Variants in DOCK10 observed in about 807,000 individuals in gnomAD.
DOCK10 encodes the protein dedicator of cytokinesis protein 10.
A neutral mutation model predicts 280.1 loss-of-function variants in DOCK10; 145 were observed. The ratio of observed to expected loss-of-function variants is 0.52; its 90% CI spans 0.45 to 0.59. The LOEUF is 0.59. Ranked by LOEUF, DOCK10 falls within the 20% of genes least tolerant of loss-of-function variation. The pLI is 0.00. For synonymous variants in DOCK10, 915 were observed against 942.2 expected (o/e 0.97, Z 0.53); for missense variants, 2,368 against 2,651.7 (o/e 0.89, Z 2.35).
At chr2:225,019,597 A>G (rs1373581421) in intron 1 of DOCK10, among the ~76,000 whole-genome samples, 1 of 151,982 alleles carries the variant, frequency 6.6e-6, no homozygotes, top group Non-Finnish European at 1.5e-5. Flanking sequence ...CCGCTGCTCA[A>G]TGCCTACTAT....
chr2:224,838,997 G>GC (rs1450112684), intron 24 of DOCK10, among the ~76,000 whole-genome samples: 1 of 152,002 alleles, frequency 6.6e-6, no homozygotes, highest in East Asian at 1.9e-4. Flanking sequence ...CAACCACCCT[G>GC]CCCCCCAGCA....
rs557526635 is a variant in DOCK10, at chr2:224,849,074, C to G, written c.2235+433G>C. 2.4e-4 allele frequency among the ~76,000 whole-genome samples: 37 copies of G among 152,252 alleles called. No homozygotes were observed. The South Asian group carries it at 7.7e-3, about 32-fold the overall frequency. ...TACCACAATCTCCGACTCCCTGGTTCAAGCGAGTCTCCTGCCTCAGCCTCC... is the reference window on the plus strand; with the variant it reads ...TACCACAATCTCCGACTCCCTGGTTGAAGCGAGTCTCCTGCCTCAGCCTCC... On this transcript the variant is annotated intron_variant, in intron 19 of 55. Transcript: ENST00000258390.
chr2:224,810,949 G>A (rs1349833172), intron 31 of DOCK10, among the ~76,000 whole-genome samples: 5 of 152,148 alleles, frequency 3.3e-5, no homozygotes, highest in Admixed American at 6.5e-5. Flanking sequence ...AAACATACGT[G>A]TGCATGTGTC....
At chr2:225,001,863 G>T (rs116688424) in intron 1 of DOCK10, among the ~76,000 whole-genome samples, 2,450 of 152,220 alleles carry the variant, frequency 0.016, 66 homozygotes, top group African/African-American at 0.056. Context: ...AGCCTGTTTC[G>T]TAAGGGCACT....
chr2:224,792,923 AGCAAGTG>A (rs1692299068), intron 47 of DOCK10, 44 bp downstream of exon 47: 1 of 1,335,662 alleles, frequency 7.5e-7, no homozygotes, highest in South Asian at 1.3e-5. Flanking sequence ...GAATTTGAGC[AGCAAGTG>A]GATTTCCTCT....
intron 2 of DOCK10, among the ~76,000 whole-genome samples, chr2:224,921,110 AAAATAT>A (rs1394463352): frequency 2.9e-5 from 2 of 69,644 alleles, no homozygotes; most frequent in African/African-American, 2.1e-4. Context: ...AAAAAAAAAA[AAAATAT>A]ATATATATAT....
chr2:224,946,377 T>C (rs1309334861), intron 1 of DOCK10, among the ~76,000 whole-genome samples: 2 of 152,184 alleles, frequency 1.3e-5, no homozygotes, highest in Non-Finnish European at 2.9e-5. Context: ...ATTTACTTTT[T>C]CTTTCATATT....
Position 225,035,564 on chromosome 2 carries a change from A to AT in DOCK10, c.123+6687dup, listed in dbSNP as rs1192105461. Among the ~76,000 whole-genome samples the AT allele has an allele frequency of 3.2e-3, 176 of 55,648 alleles. 4 individuals carry two copies. The Middle Eastern group carries it at 0.055, about 17-fold the overall frequency. 36.5% of individuals were successfully genotyped at this position (55,648 alleles called of 152,430 possible). ...ATATTATATATATATATATATATAT[A>AT]TATATATATATATATATATATATAA... On this transcript the variant is annotated intron_variant, in intron 1 of 55. Transcript: ENST00000258390.
At chr2:224,961,458 C>CTTTCTTTCTTTCT (rs1704429255) in intron 1 of DOCK10, among the ~76,000 whole-genome samples, 2 of 129,614 alleles carry the variant, frequency 1.5e-5, no homozygotes, top group African/African-American at 2.7e-5. Context: ...TTCTTTCTTT[C>CTTTCTTTCTTTCT]TTTCTTTCTT....
chr2:225,040,523 T>TGC (rs1385446867), intron 1 of DOCK10, among the ~76,000 whole-genome samples: 1 of 150,104 alleles, frequency 6.7e-6, no homozygotes, highest in Non-Finnish European at 1.5e-5. Context: ...CGTGTGTGTG[T>TGC]GTGTGTGTGT....
intron 55 of DOCK10, among the ~76,000 whole-genome samples, chr2:224,766,643 C>T (rs1456516071): frequency 2.0e-5 from 3 of 152,288 alleles, no homozygotes; most frequent in Non-Finnish European, 2.9e-5. Flanking sequence ...TGGGTCCATT[C>T]CTTTCTCTGC....
chr2:224,864,938 G>A lies in DOCK10; in HGVS notation c.1407C>T (p.Thr469=), dbSNP rs1697790314. 2 of 1,613,708 alleles carry A rather than the reference G, an allele frequency of 1.2e-6. No individual in the cohort carries two copies. Among genetic ancestry groups the A allele is most frequent in the African/African-American group, 1.3e-5 (1 of 74,844 alleles). ...SVALENGNID[T]ITPRQSEEPH... Reference sequence around the variant, plus strand: ...GTTCTTCTGATTGTCTTGGAGTGATGGTGTCGATGTTGCCATTTTCCAAAG... The same window carrying A: ...GTTCTTCTGATTGTCTTGGAGTGATAGTGTCGATGTTGCCATTTTCCAAAG... The change falls in exon 12 of 56, where the codon ACC becomes ACT. Residue 469 remains threonine, a synonymous_variant. Coordinates refer to ENST00000258390, the MANE Select transcript of DOCK10 (RefSeq NM_014689.3).
intron 4 of DOCK10, 115 bp from the exon 5 acceptor site, chr2:224,886,646 A>G: frequency 2.6e-6 from 2 of 765,566 alleles, no homozygotes; most frequent in Non-Finnish European, 4.2e-6. Flanking sequence ...AAATTTCTGT[A>G]AAATAATGTA....
At chr2:224,827,888 C>G (rs1225473090) in intron 27 of DOCK10, among the ~76,000 whole-genome samples, 1 of 152,150 alleles carries the variant, frequency 6.6e-6, no homozygotes, top group Non-Finnish European at 1.5e-5. Context: ...GTTACATAGA[C>G]CTGGGGCCTA....
chr2:224,889,063 A>G (rs986356092), intron 4 of DOCK10, among the ~76,000 whole-genome samples: 1 of 152,252 alleles, frequency 6.6e-6, no homozygotes, highest in African/African-American at 2.4e-5. Flanking sequence ...AAATATGCAG[A>G]GATAATAAAA....
intron 30 of DOCK10, among the ~76,000 whole-genome samples, chr2:224,815,365 G>C (rs1166867404): frequency 1.3e-5 from 2 of 151,674 alleles, no homozygotes; most frequent in Admixed American, 6.6e-5. Context: ...TGTGACAATG[G>C]ACTAAGACAG....
At chr2:224,967,359 C>T (rs1040589555) in intron 1 of DOCK10, among the ~76,000 whole-genome samples, 2 of 152,104 alleles carry the variant, frequency 1.3e-5, no homozygotes, top group Non-Finnish European at 2.9e-5. Context: ...GGATTACAGG[C>T]GTGAGCCACC....
At chr2:224,934,981 C>A (rs1207612085) in intron 1 of DOCK10, among the ~76,000 whole-genome samples, 1 of 152,148 alleles carries the variant, frequency 6.6e-6, no homozygotes, top group Non-Finnish European at 1.5e-5. Context: ...GTGAGAGGCC[C>A]TATTCTTCTT....
intron 1 of DOCK10, among the ~76,000 whole-genome samples, chr2:224,973,524 A>G (rs933608671): frequency 1.3e-5 from 2 of 152,136 alleles, no homozygotes; most frequent in Non-Finnish European, 2.9e-5. Context: ...GGCAGCCTCT[A>G]GAACTTGGAA....
Sources: gnomAD v4.1 joint callset for allele counts (sites outside exome capture counted in the v4.1 genomes callset) on GRCh38, gnomAD v4.1.1 for gene constraint, MANE v1.5 for transcripts, NCBI Gene and HGNC (gene_info 2026-07-23, HGNC 2026-07-21) for gene names.